Variants in ABCC11 observed in about 807,000 individuals in gnomAD.
The protein encoded by ABCC11 is ATP binding cassette subfamily C member 11.
Under a neutral mutation model 149.3 loss-of-function variants are expected in ABCC11, and 135 were observed. The observed-to-expected ratio is 0.90, with a 90% CI of 0.79 to 1.04. The LOEUF (loss-of-function observed/expected upper bound fraction) is 1.04, where lower values mean the gene tolerates loss of function less well. Among genes scored for constraint, ABCC11 ranks in the 50% least tolerant of loss-of-function variants. The probability of loss-of-function intolerance (pLI) is 0.00; values close to 1 mark genes in which losing one functional copy is unlikely to be tolerated. For synonymous variants in ABCC11, 665 were observed against 671.4 expected (o/e 0.99, Z 0.15); for missense variants, 1,680 against 1,722.1 (o/e 0.98, Z 0.43).
chr16:48,240,886 T>C (rs940043502), intron 1 of ABCC11, among the ~76,000 whole-genome samples: 4 of 152,090 alleles, frequency 2.6e-5, no homozygotes, highest in African/African-American at 9.7e-5. Context: ...ATTCAAATCG[T>C]CATTAATAAG....
intron 22 of ABCC11, among the ~76,000 whole-genome samples, chr16:48,186,704 CAT>C (rs963140977): frequency 6.6e-6 from 1 of 152,054 alleles, no homozygotes; most frequent in South Asian, 2.1e-4. Context: ...TACATATGTC[CAT>C]ATATATATAC....
At chr16:48,230,016 G>A (rs1436654512) in intron 3 of ABCC11, among the ~76,000 whole-genome samples, 1 of 152,162 alleles carries the variant, frequency 6.6e-6, no homozygotes, top group African/African-American at 2.4e-5. Flanking sequence ...CTCAGCTTAA[G>A]CCACTCAGAA....
At position 48,215,220 on chromosome 16, in the gene ABCC11, T is replaced by C. The variant is rs141417535; in HGVS notation, c.1076A>G (p.Lys359Arg). The change falls in exon 8 of 30, where the codon AAA becomes AGA. Residue 359 changes from lysine to arginine, a missense_variant. Physicochemically the swap from Lys to Arg is conservative, Grantham distance 26. Coordinates refer to ENST00000356608, the MANE Select transcript of ABCC11 (RefSeq NM_001370497.1). ...IKLIKMYTWE[K>R]PFAKIIEDLR... ...ACCTTCAATGATTTTTGCAAATGGTTTCTCCCATGTGTACATTTTAATCAG... is the reference window on the plus strand; with the variant it reads ...ACCTTCAATGATTTTTGCAAATGGTCTCTCCCATGTGTACATTTTAATCAG... 2.9e-4 allele frequency: 468 copies of C among 1,611,782 alleles called. 1 individual carries two copies. The highest frequency in any genetic ancestry group is 3.8e-4 in the Non-Finnish European group (445 of 1,178,228).
intron 1 of ABCC11, among the ~76,000 whole-genome samples, chr16:48,247,039 A>G (rs1464258632): frequency 6.6e-5 from 10 of 152,312 alleles, no homozygotes; most frequent in Non-Finnish European, 1.3e-4. Flanking sequence ...AAATTAGAAA[A>G]CATATATTGA....
rs553096588 is a variant in ABCC11, at chr16:48,206,457, C to T, written c.1681-920G>A. On this transcript the variant is annotated intron_variant, in intron 12 of 29. Transcript: ENST00000356608. ...TTTTCTGCCTAAGTTCAAAACAACA[C>T]GTTAAAAACAAATAGAGATAGACAC... is the stretch of plus-strand genomic sequence containing the variant. 3.9e-5 allele frequency among the ~76,000 whole-genome samples: 6 copies of T among 152,268 alleles called. No homozygotes were observed. In the East Asian group the frequency reaches 9.6e-4, roughly 24 times the overall value.
intron 20 of ABCC11, among the ~76,000 whole-genome samples, chr16:48,191,859 T>G (rs1393091274): frequency 2.0e-5 from 3 of 151,980 alleles, no homozygotes; most frequent in Non-Finnish European, 2.9e-5. Flanking sequence ...GGGATAGCAT[T>G]AGGAGATATA....
chr16:48,175,196 G>C (rs192102951), intron 26 of ABCC11, 62 bp downstream of exon 26: 2 of 1,562,646 alleles, frequency 1.3e-6, no homozygotes, highest in South Asian at 1.2e-5. Context: ...TAGGCAGCCC[G>C]GTGCTGGAAT....
At chr16:48,220,450 G>A (rs918390070) in intron 6 of ABCC11, among the ~76,000 whole-genome samples, 25 of 152,212 alleles carry the variant, frequency 1.6e-4, no homozygotes, top group Admixed American at 7.2e-4. Flanking sequence ...GGGTTGTTAC[G>A]ATGACTTTCC....
chr16:48,172,224 T>G (rs959908658), intron 26 of ABCC11, among the ~76,000 whole-genome samples: 5 of 152,202 alleles, frequency 3.3e-5, no homozygotes, highest in Non-Finnish European at 5.9e-5. Context: ...AGCTGCATAA[T>G]ATTCCATTGT....
rs772610750 is a variant in ABCC11, at chr16:48,205,542, G to A, written c.1681-5C>T. 5.0e-6 allele frequency: 8 copies of A among 1,613,428 alleles called. No individual in the cohort carries two copies. The highest frequency in any genetic ancestry group is 4.4e-5 in the South Asian group (4 of 91,026). ...CGAGCCCTCGAGCAAGTGCATCTGC[G>A]GCAGAATGAGTCCAGCCTCAGGACC... is the stretch of plus-strand genomic sequence containing the variant. On this transcript the variant is annotated splice_polypyrimidine_tract_variant and splice_region_variant and intron_variant, in intron 12 of 29. Transcript: ENST00000356608.
rs1969247363 is a variant in ABCC11 at position 48,215,267 on chromosome 16, A to G, written c.1029T>C (p.Ser343=). 1.2e-6 allele frequency: 2 copies of G among 1,614,152 alleles called. No individual in the cohort carries two copies. The highest frequency in any genetic ancestry group is 1.7e-6 in the Non-Finnish European group (2 of 1,179,988). ...EVSDQRIRVT[S]EVLTCIKLIK... is the part of the protein sequence containing the mutation. ...TCAGCTTAATGCAAGTGAGAACTTC[A>G]CTGGTCACACGGATGCGCTGGTCGC... The change falls in exon 8 of 30, where the codon AGT becomes AGC. Residue 343 remains serine (S), a synonymous_variant. Transcript: ENST00000356608.
intron 1 of ABCC11, chr16:48,244,502 C>T (rs1971225660): frequency 1.9e-6 from 3 of 1,597,170 alleles, no homozygotes; most frequent in Admixed American, 1.7e-5. Flanking sequence ...CGGCCCGCAA[C>T]CTGCAGCTGG....
In ABCC11 at chr16:48,231,710, A is replaced by T. The variant is rs1970432713; in HGVS notation, c.99+113T>A. On this transcript the variant is annotated intron_variant, in intron 2 of 29. Transcript: ENST00000356608. ...GAGAGAGCAAAAAGAGAAAAGAAAA[A>T]AAATTCAAGGGTAAATAAGTATGGG... is the stretch of plus-strand genomic sequence containing the variant. 3.4e-6 allele frequency: 5 copies of T among 1,454,578 alleles called. No homozygotes were observed. The African/African-American group carries it at 5.7e-5, about 17-fold the overall frequency. 90.1% of individuals were successfully genotyped at this position (1,454,578 alleles called of 1,614,324 possible).
At position 48,187,345 on chromosome 16, in the gene ABCC11, A is replaced by G. The variant is rs764631134; in HGVS notation, c.2789T>C (p.Leu930Pro). 17 of 1,614,106 alleles carry G rather than the reference A, an allele frequency of 1.1e-5. No individual in the cohort carries two copies. Among genetic ancestry groups the G allele is most frequent in the Non-Finnish European group, 3.4e-6 (4 of 1,180,042 alleles). ...LNCFAGDLEQ[L>P]DQLLPIFSEQ... ...TGAAAAGATGGGCAAGAGCTGGTCC[A>G]GCTGTTCCAAGTCCCCTGCGAAGCA... The change falls in exon 21 of 30, where the codon CTG becomes CCG. Residue 930 changes from leucine to proline, a missense_variant. Physicochemically the swap from Leu to Pro is moderately conservative, Grantham distance 98. Coordinates refer to ENST00000356608, the MANE Select transcript of ABCC11 (RefSeq NM_001370497.1).
Position 48,214,954 on chromosome 16 carries a change from A to T in ABCC11, c.1175T>A (p.Ile392Asn). Residue 392 changes from isoleucine to asparagine, a missense_variant, in exon 9 of 30, where the codon ATC becomes AAC. Transcript: ENST00000356608. ...VQSLTSITLF[I>N]IPTVATAVWV... Reference sequence around the variant, plus strand: ...GACCGCTGTGGCCACTGTGGGGATGATGAACAAGGTTATACTTGTCAGGCT... The same window carrying T: ...GACCGCTGTGGCCACTGTGGGGATGTTGAACAAGGTTATACTTGTCAGGCT... 1 of 1,614,174 alleles carries T rather than the reference A, an allele frequency of 6.2e-7. No homozygotes were observed. Among genetic ancestry groups the T allele is most frequent in the Non-Finnish European group, 8.5e-7 (1 of 1,180,030 alleles).
At chr16:48,230,993 T>TA in intron 2 of ABCC11, among the ~76,000 whole-genome samples, 1 of 152,170 alleles carries the variant, frequency 6.6e-6, no homozygotes, top group South Asian at 2.1e-4. Flanking sequence ...AGGTAATTTT[T>TA]AGGACTTCAT....
At chr16:48,169,068 A>G (rs1965524636) in intron 28 of ABCC11, among the ~76,000 whole-genome samples, 1 of 152,200 alleles carries the variant, frequency 6.6e-6, no homozygotes, top group Non-Finnish European at 1.5e-5. Context: ...TAAAAAATAT[A>G]TATATATGCA....
At chr16:48,231,248 G>C (rs1286847215) in intron 2 of ABCC11, among the ~76,000 whole-genome samples, 2 of 152,014 alleles carry the variant, frequency 1.3e-5, no homozygotes, top group Non-Finnish European at 2.9e-5. Flanking sequence ...ATAGGTGATA[G>C]AGAGATAGAT....
intron 1 of ABCC11, among the ~76,000 whole-genome samples, chr16:48,245,354 G>C (rs1971308015): frequency 6.6e-6 from 1 of 152,162 alleles, no homozygotes; most frequent in Non-Finnish European, 1.5e-5. Flanking sequence ...GTGACTTTGG[G>C]TGAGAGCTTT....
Sources: gnomAD v4.1 joint callset for allele counts (sites outside exome capture counted in the v4.1 genomes callset) on GRCh38, gnomAD v4.1.1 for gene constraint, MANE v1.5 for transcripts, NCBI Gene and HGNC (gene_info 2026-07-23, HGNC 2026-07-21) for gene names.